CDC23: variants seen among roughly 807,000 people sequenced by gnomAD.
The protein encoded by CDC23 is cell division cycle protein 23 homolog.
A neutral mutation model predicts 81.7 loss-of-function variants in CDC23; 26 were observed. The ratio of observed to expected loss-of-function variants is 0.32; its 90% CI spans 0.23 to 0.44. The LOEUF (loss-of-function observed/expected upper bound fraction) is 0.44. Ranked by LOEUF, CDC23 falls within the 20% of genes least tolerant of loss-of-function variation. The probability of loss-of-function intolerance (pLI) is 1.00; values close to 1 mark genes in which losing one functional copy is unlikely to be tolerated. For missense variants in CDC23, 519 were observed against 728.0 expected (o/e 0.71, Z 3.30); for synonymous variants, 267 against 270.8 (o/e 0.99, Z 0.14).
chr5:138,188,243 A>G lies in CDC23; in HGVS notation c.*735T>C, dbSNP rs2151235054. On this transcript the variant is annotated 3_prime_UTR_variant, in exon 16 of 16. Transcript: ENST00000394886. ...TGTCCGTGAAATTATCTATAATCCT[A>G]TCTCCTTGCTTGCTTTGGTAGGAGT... 6.6e-6 allele frequency: 1 copy of G among 152,280 alleles called. No homozygotes were observed. Among genetic ancestry groups the G allele is most frequent in the South Asian group, 2.1e-4 (1 of 4,824 alleles). 9.4% of individuals were successfully genotyped at this position (152,280 alleles called of 1,614,324 possible). A position where few individuals can be genotyped will look rare whatever the true frequency, so the allele number is the denominator to read the frequency against.
intron 9 of CDC23, among the ~76,000 whole-genome samples, chr5:138,196,846 C>T (rs1016594250): frequency 2.0e-5 from 3 of 148,442 alleles, no homozygotes; most frequent in African/African-American, 7.5e-5. Context: ...TCCCAAAGTG[C>T]TGGGATTACA....
rs186218566 is a variant in CDC23, at chr5:138,212,200, C to T, written c.234+791G>A. ...GTCACTGCACAGATGAGGAAACTGG[C>T]TCAGAAGGTTAAGTTGCCAAAGGTC... On this transcript the variant is annotated intron_variant, in intron 2 of 15. Transcript: ENST00000394886. Among the ~76,000 whole-genome samples, 199 of 152,288 alleles carry T rather than the reference C, an allele frequency of 1.3e-3. 1 individual carries two copies. The highest frequency in any genetic ancestry group is 4.4e-3 in the African/African-American group (183 of 41,560).
At chr5:138,197,175 A>C (rs941331270) in intron 9 of CDC23, among the ~76,000 whole-genome samples, 1 of 149,952 alleles carries the variant, frequency 6.7e-6, no homozygotes, top group Non-Finnish European at 1.5e-5. Flanking sequence ...GCGTGGTGGC[A>C]GGCACCTGTA....
chr5:138,192,160 C>A, intron 11 of CDC23, 109 bp downstream of exon 11: 1 of 1,390,576 alleles, frequency 7.2e-7, no homozygotes, highest in Non-Finnish European at 9.9e-7. Context: ...AACCTCAGAT[C>A]CCCAAGAGCC....
chr5:138,192,091 T>C lies in CDC23; in HGVS notation c.1287-154A>G. 2 of 913,244 alleles carry C rather than the reference T, an allele frequency of 2.2e-6. 1 individual carries two copies. Among genetic ancestry groups the C allele is most frequent in the South Asian group, 3.3e-5 (2 of 59,800 alleles). 56.6% of individuals were successfully genotyped at this position (913,244 alleles called of 1,614,324 possible). A position where few individuals can be genotyped will look rare whatever the true frequency, so the allele number is the denominator to read the frequency against. On this transcript the variant is annotated intron_variant, in intron 11 of 15. Transcript: ENST00000394886. ...GATTACTTTGTGTTCATAATTATAC[T>C]ATTAACCCATTAGTGAAATATACTA...
At chr5:138,209,196 A>AT (rs1434193393) in intron 2 of CDC23, among the ~76,000 whole-genome samples, 32 of 150,682 alleles carry the variant, frequency 2.1e-4, no homozygotes, top group Admixed American at 7.3e-4. Context: ...GGAGGCTAAG[A>AT]CAGGTGGATC....
At chr5:138,204,556 G>A (rs933999648) in intron 3 of CDC23, among the ~76,000 whole-genome samples, 2 of 149,728 alleles carry the variant, frequency 1.3e-5, no homozygotes, top group African/African-American at 2.4e-5. Context: ...TCTTATTCTC[G>A]CAACTTGTCA....
At chr5:138,211,848 C>T (rs1346393148) in intron 2 of CDC23, among the ~76,000 whole-genome samples, 1 of 152,134 alleles carries the variant, frequency 6.6e-6, no homozygotes, top group South Asian at 2.1e-4. Flanking sequence ...TCAGGACCAA[C>T]GATGGGCCTA....
At chr5:138,207,631 T>TA (rs17228367) in intron 2 of CDC23, among the ~76,000 whole-genome samples, 4 of 151,490 alleles carry the variant, frequency 2.6e-5, no homozygotes, top group East Asian at 1.9e-4. Flanking sequence ...TTCTCTATGT[T>TA]AAAAAAAAAT....
intron 3 of CDC23, among the ~76,000 whole-genome samples, chr5:138,204,757 C>A (rs1473248971): frequency 1.3e-5 from 2 of 151,534 alleles, no homozygotes; most frequent in African/African-American, 4.8e-5. Flanking sequence ...GTAGCTGGGA[C>A]TACAGGCGCT....
At chr5:138,209,157 T>C (rs1240858537) in intron 2 of CDC23, among the ~76,000 whole-genome samples, 1 of 151,164 alleles carries the variant, frequency 6.6e-6, no homozygotes, top group Non-Finnish European at 1.5e-5. Context: ...CCAGGTGTGG[T>C]GGCTCATGCC....
intron 9 of CDC23, among the ~76,000 whole-genome samples, chr5:138,195,179 G>T (rs17228477): frequency 0.021 from 3,161 of 151,778 alleles, 115 homozygotes; most frequent in African/African-American, 0.072. Context: ...AAAGCAAGCA[G>T]CCCATTAAAC....
intron 3 of CDC23, among the ~76,000 whole-genome samples, chr5:138,203,565 T>C (rs542244266): frequency 1.3e-5 from 2 of 152,300 alleles, no homozygotes; most frequent in African/African-American, 2.4e-5. Context: ...CAACTGATTC[T>C]AGATTGTACT....
At chr5:138,195,705 A>AAAATATATG (rs1754887975) in intron 9 of CDC23, among the ~76,000 whole-genome samples, 3 of 65,792 alleles carry the variant, frequency 4.6e-5, no homozygotes, top group Non-Finnish European at 9.9e-5. Context: ...ATATGCATAT[A>AAAATATATG]TACATATAAT....
intron 9 of CDC23, among the ~76,000 whole-genome samples, chr5:138,196,998 T>C (rs1754920222): frequency 6.9e-6 from 1 of 144,134 alleles, no homozygotes; most frequent in African/African-American, 2.6e-5. Flanking sequence ...ATCTCCTGCC[T>C]CAACCTCCCA....
At chr5:138,192,461 A>C (rs756483792) in intron 10 of CDC23, 43 bp downstream of exon 10, 4 of 1,613,422 alleles carry the variant, frequency 2.5e-6, no homozygotes, top group Non-Finnish European at 1.7e-6. Flanking sequence ...AGAGGCTCCT[A>C]ACCACAGCAA....
At chr5:138,197,693 C>T (rs906498936) in intron 9 of CDC23, among the ~76,000 whole-genome samples, 2 of 151,072 alleles carry the variant, frequency 1.3e-5, no homozygotes, top group African/African-American at 4.9e-5. Context: ...GATGGGATTC[C>T]ACCATATTGG....
In CDC23 at chr5:138,191,886, G is replaced by A. The variant is rs772710209; in HGVS notation, c.1338C>T (p.Leu446=). ...CCTTTTTGGCTTCCACTAGTTGATT[G>A]AGTTTCTCGTAACATTCTCCTAAAG... ...LVALGECYEK[L]NQLVEAKKCY... is the part of the protein sequence containing the mutation. The change falls in exon 12 of 16, where the codon CTC becomes CTT. Residue 446 remains leucine, a synonymous_variant. Transcript: ENST00000394886. The A allele has an allele frequency of 2.5e-6, 4 of 1,613,954 alleles. No individual in the cohort carries two copies. The South Asian group carries it at 3.3e-5, about 13-fold the overall frequency.
intron 13 of CDC23, 134 bp from the exon 14 acceptor site, chr5:138,190,040 A>T (rs1754808909): frequency 2.9e-6 from 2 of 692,096 alleles, no homozygotes; most frequent in South Asian, 3.6e-5. Context: ...ACACTCTTGG[A>T]ACTAGAATAG....
Sources: gnomAD v4.1 joint callset for allele counts (sites outside exome capture counted in the v4.1 genomes callset) on GRCh38, gnomAD v4.1.1 for gene constraint, MANE v1.5 for transcripts, NCBI Gene and HGNC (gene_info 2026-07-23, HGNC 2026-07-21) for gene names.